Variants in FOXP2 observed in about 807,000 individuals in gnomAD.
FOXP2 encodes the protein forkhead box P2, also known as forkhead box protein P2.
Under a neutral mutation model 115.8 loss-of-function variants are expected in FOXP2, and 12 were observed. The ratio of observed to expected loss-of-function variants is 0.10; its 90% CI spans 0.07 to 0.17. FOXP2 has a LOEUF of 0.17. FOXP2 is among the 10% of genes least tolerant of loss of function. The probability of loss-of-function intolerance (pLI) is 1.00; values close to 1 mark genes in which losing one functional copy is unlikely to be tolerated. For synonymous variants in FOXP2, 328 were observed against 297.7 expected, an observed-to-expected ratio of 1.10 and a Z score of -1.05; for missense variants, 629 against 843.5, an observed-to-expected ratio of 0.75 and a Z score of 3.15.
chr7:114,149,113 T>C (rs1005983679), intron 1 of FOXP2, among the ~76,000 whole-genome samples: 5 of 152,114 alleles, frequency 3.3e-5, no homozygotes, highest in Admixed American at 6.6e-5. Context: ...CAGGAGTCAG[T>C]ATTAAGAACT....
intron 2 of FOXP2, among the ~76,000 whole-genome samples, chr7:114,509,442 A>G (rs1305063632): frequency 6.6e-6 from 1 of 152,102 alleles, no homozygotes; most frequent in Non-Finnish European, 1.5e-5. Flanking sequence ...ATGAAAGTCC[A>G]GAGAAGAAAC....
rs189627294 is a variant in FOXP2 at position 114,459,639 on chromosome 7, G to A, written c.168+32960G>A. 2.1e-3 allele frequency among the ~76,000 whole-genome samples: 323 copies of A among 152,210 alleles called. 3 individuals are homozygous for A. Among genetic ancestry groups the A allele is most frequent in the Admixed American group, 0.018 (271 of 15,274 alleles). On this transcript the variant is annotated intron_variant, in intron 2 of 16. Coordinates refer to ENST00000350908, the MANE Select transcript of FOXP2 (RefSeq NM_014491.4). ...TGTTTGTTTGTTTGTTTGTTGAGAC[G>A]GAGTCTCACTCAGCCGCCCAGGCTG... is the stretch of plus-strand genomic sequence containing the variant.
At chr7:114,616,520 G>A (rs528382345) in intron 3 of FOXP2, among the ~76,000 whole-genome samples, 23 of 152,158 alleles carry the variant, frequency 1.5e-4, no homozygotes, top group Admixed American at 1.1e-3. Flanking sequence ...GGCAAGGGAC[G>A]GAGGTTGGTT....
At chr7:114,092,238 T>A (rs1173645685) in intron 1 of FOXP2, among the ~76,000 whole-genome samples, 1 of 152,094 alleles carries the variant, frequency 6.6e-6, no homozygotes. Context: ...TAAAATTTAT[T>A]TAAGTTTTTA....
At chr7:114,134,315 C>G (rs1025054490) in intron 1 of FOXP2, among the ~76,000 whole-genome samples, 7 of 151,846 alleles carry the variant, frequency 4.6e-5, no homozygotes, top group Non-Finnish European at 1.0e-4. Context: ...GAGTGTAGTC[C>G]CTTGCTATAA....
At chr7:114,161,941 C>A (rs1043590583), upstream of FOXP2, among the ~76,000 whole-genome samples, 1 of 152,032 alleles carries the variant, frequency 6.6e-6, no homozygotes, top group Non-Finnish European at 1.5e-5. Context: ...TTTCACCATG[C>A]CTGGCTAATT....
chr7:114,339,498 A>G (rs1327910448), intron 2 of FOXP2, among the ~76,000 whole-genome samples: 2 of 150,860 alleles, frequency 1.3e-5, no homozygotes, highest in Non-Finnish European at 3.0e-5. Flanking sequence ...TTTCTTTCGT[A>G]TGTTTAGTTT....
At chr7:114,373,299 C>T (rs2129189950) in intron 2 of FOXP2, among the ~76,000 whole-genome samples, 1 of 152,214 alleles carries the variant, frequency 6.6e-6, no homozygotes, top group Non-Finnish European at 1.5e-5. Flanking sequence ...GGATTACAGG[C>T]GTGAGCAGTC....
At position 114,688,764 on chromosome 7, in the gene FOXP2, A is replaced by G. The variant is rs10275356; in HGVS notation, c.2004-1018A>G. Among the ~76,000 whole-genome samples the G allele has an allele frequency of 5.9e-3, 898 of 152,164 alleles. 10 individuals carry two copies. Among genetic ancestry groups the G allele is most frequent in the African/African-American group, 0.02 (842 of 41,504 alleles). On this transcript the variant is annotated intron_variant, in intron 16 of 16. Transcript: ENST00000350908. Reference sequence around the variant, plus strand: ...CACCAGTGTTTTTCTTCATTTATTGACAGTTGGTAAAGATATTCATTAATT... The same window carrying G: ...CACCAGTGTTTTTCTTCATTTATTGGCAGTTGGTAAAGATATTCATTAATT...
At chr7:114,271,366 T>C (rs1796031982) in intron 1 of FOXP2, among the ~76,000 whole-genome samples, 1 of 150,048 alleles carries the variant, frequency 6.7e-6, no homozygotes, top group South Asian at 2.1e-4. Context: ...TGGATATTAG[T>C]AGGAAGGATT....
At chr7:114,511,124 A>G (rs1798047007) in intron 2 of FOXP2, among the ~76,000 whole-genome samples, 1 of 152,100 alleles carries the variant, frequency 6.6e-6, no homozygotes, top group Admixed American at 6.6e-5. Context: ...CAAGCACTGC[A>G]TGTTCTCACT....
intron 2 of FOXP2, among the ~76,000 whole-genome samples, chr7:114,443,666 A>C (rs1010843968): frequency 3.3e-5 from 5 of 152,184 alleles, no homozygotes; most frequent in African/African-American, 1.2e-4. Flanking sequence ...AAGTGAGAAC[A>C]TGCAGTATTT....
intron 1 of FOXP2, among the ~76,000 whole-genome samples, chr7:114,232,118 C>T (rs1411111677): frequency 1.3e-5 from 2 of 152,100 alleles, no homozygotes; most frequent in African/African-American, 4.8e-5. Context: ...TTCTCAATAT[C>T]ACTAATCATC....
At chr7:114,532,324 ATTG>A (rs1277752857) in intron 2 of FOXP2, among the ~76,000 whole-genome samples, 2 of 151,928 alleles carry the variant, frequency 1.3e-5, no homozygotes, top group Non-Finnish European at 2.9e-5. Context: ...AAAAGGTTAT[ATTG>A]TTGTTTCCCA....
At chr7:114,588,120 T>A (rs774769435) in intron 3 of FOXP2, among the ~76,000 whole-genome samples, 3 of 151,484 alleles carry the variant, frequency 2.0e-5, no homozygotes, top group Admixed American at 2.0e-4. Context: ...CCATCCTGGC[T>A]AACATGGTGA....
chr7:114,447,332 C>T (rs755192639), intron 2 of FOXP2, among the ~76,000 whole-genome samples: 3 of 151,954 alleles, frequency 2.0e-5, no homozygotes, highest in Non-Finnish European at 4.4e-5. Context: ...CATGTCATGT[C>T]CCTATTTTTC....
At chr7:114,357,170 T>C (rs1197301133) in intron 2 of FOXP2, among the ~76,000 whole-genome samples, 1 of 152,158 alleles carries the variant, frequency 6.6e-6, no homozygotes, top group African/African-American at 2.4e-5. Context: ...GGATAGACTC[T>C]CATTTGCTGG....
At chr7:114,604,858 A>T (rs1357468930) in intron 3 of FOXP2, among the ~76,000 whole-genome samples, 2 of 152,164 alleles carry the variant, frequency 1.3e-5, no homozygotes, top group East Asian at 3.9e-4. Flanking sequence ...AACTGTAGTA[A>T]GCGTAGTGAC....
intron 3 of FOXP2, among the ~76,000 whole-genome samples, chr7:114,617,420 C>G (rs369524199): frequency 6.6e-6 from 1 of 152,202 alleles, no homozygotes; most frequent in South Asian, 2.1e-4. Flanking sequence ...ATTGTTGCCA[C>G]GAATATTTCT....
Sources: allele counts gnomAD v4.1 joint callset (sites outside exome capture counted in the v4.1 genomes callset), GRCh38; gene constraint gnomAD v4.1.1; transcripts MANE v1.5; gene names NCBI Gene and HGNC (gene_info 2026-07-23, HGNC 2026-07-21).